URAD: variants seen among roughly 807,000 people sequenced by gnomAD.
The protein encoded by URAD is ureidoimidazoline (2-oxo-4-hydroxy-4-carboxy-5-) decarboxylase.
In URAD, 4 loss-of-function variants were observed where a neutral mutation model predicts 4.6. That is an observed-to-expected ratio of 0.87 (90% CI 0.43 to 1.98). The LOEUF (loss-of-function observed/expected upper bound fraction) is 1.98, where lower values mean the gene tolerates loss of function less well. Among genes scored for constraint, URAD ranks in the 30% most tolerant of loss-of-function variants. The probability of loss-of-function intolerance (pLI) is 0.03; values close to 1 mark genes in which losing one functional copy is unlikely to be tolerated. For missense variants in URAD, 300 were observed against 255.3 expected (o/e 1.18, Z -1.19); for synonymous variants, 144 against 118.2 (o/e 1.22, Z -1.41).
rs989359497 is a variant in URAD, at chr13:27,984,780, C to T, written c.175+3683G>A. 2.6e-4 allele frequency among the ~76,000 whole-genome samples: 39 copies of T among 150,538 alleles called. 1 individual carries two copies. The highest frequency in any genetic ancestry group is 7.6e-4 in the African/African-American group (31 of 40,906). On this transcript the variant is annotated intron_variant, in intron 1 of 1. Coordinates refer to ENST00000332715, the MANE Select transcript of URAD (RefSeq NM_001105577.2). ...GATCACAAGGTCAGGAGATTGAGAC[C>T]ATCCTGGCTAACACGGTGAAACCCC...
At chr13:27,988,429 C>G (rs747324536) in intron 1 of URAD, 34 bp downstream of exon 1, 1 of 1,548,428 alleles carries the variant, frequency 6.5e-7, no homozygotes, top group African/African-American at 1.4e-5. Flanking sequence ...ATTTGAAATC[C>G]CTTTGCAGAG....
rs745450481 is a variant in URAD, at chr13:27,978,147, G to T, written c.481C>A (p.Arg161Ser). Residue 161 changes from arginine to serine, a missense_variant, in exon 2 of 2, where the codon CGC becomes AGC. Arg to Ser is a moderately radical substitution (Grantham distance 110, BLOSUM62 -1). Transcript: ENST00000332715. ...TCTGCGCGGAGGAGGTCGGCCAGGC[G>T]CAGGCTGCCGATCTTCTTCACCTCG... is the stretch of plus-strand genomic sequence containing the variant. The part of the protein sequence containing the change: ...LGEVKKIGSL[R>S]LADLLRADPA... 2.6e-6 allele frequency: 4 copies of T among 1,530,650 alleles called. No individual in the cohort carries two copies. Among genetic ancestry groups the T allele is most frequent in the African/African-American group, 2.9e-5 (2 of 69,812 alleles). The allele number at this position is 1,530,650 out of a possible 1,614,324, so 94.8% of individuals were successfully genotyped here.
chr13:27,981,028 C>CCTCTCTCTCT (rs112351328), intron 1 of URAD, among the ~76,000 whole-genome samples: 12 of 117,132 alleles, frequency 1.0e-4, no homozygotes, highest in Admixed American at 6.6e-4. Context: ...CTCTCTCTCT[C>CCTCTCTCTCT]CTCTCTCTCT....
In URAD at chr13:27,988,628, C is replaced by CA. The variant is rs1870106198; in HGVS notation, c.9dup (p.Glu4Ter). 6 of 1,605,566 alleles carry CA rather than the reference C, an allele frequency of 3.7e-6. No individual in the cohort carries two copies. In the East Asian group the frequency reaches 1.3e-4, roughly 36 times the overall value. ...CCAAGGTCCATGGAGTTGACCTTCTCAATGTCCATTCCTTGTATTCCACTG... is the reference window on the plus strand; with the variant it reads ...CCAAGGTCCATGGAGTTGACCTTCTCAAATGTCCATTCCTTGTATTCCACTG... On this transcript the variant is annotated frameshift_variant, in exon 1 of 2. Transcript: ENST00000332715. LOFTEE classifies it high-confidence loss of function.
rs762601122 is a variant in URAD, at chr13:27,988,618, T to A, written c.20A>T (p.Asn7Ile). 10 of 1,608,526 alleles carry A rather than the reference T, an allele frequency of 6.2e-6. No individual in the cohort carries two copies. Among genetic ancestry groups the A allele is most frequent in the Middle Eastern group, 1.7e-4 (1 of 6,048 alleles). MDIEKV[N>I]SMDLGEFVDV... ...CACGAATTCTCCAAGGTCCATGGAG[T>A]TGACCTTCTCAATGTCCATTCCTTG... The change falls in exon 1 of 2, where the codon AAC (asparagine) becomes ATC (isoleucine). Residue 7 changes from asparagine to isoleucine, a missense_variant. By Grantham distance (149) the Asn-to-Ile change is moderately radical. Coordinates refer to ENST00000332715, the MANE Select transcript of URAD (RefSeq NM_001105577.2).
intron 1 of URAD, among the ~76,000 whole-genome samples, chr13:27,983,226 C>CT (rs974359895): frequency 1.2e-4 from 18 of 151,252 alleles, no homozygotes; most frequent in East Asian, 7.8e-4. Context: ...GGTTCCTTTG[C>CT]TTTTTTTTTG....
At chr13:27,985,278 T>G (rs1302683116) in intron 1 of URAD, among the ~76,000 whole-genome samples, 2 of 151,892 alleles carry the variant, frequency 1.3e-5, no homozygotes, top group African/African-American at 4.8e-5. Context: ...GCCAACATGA[T>G]GAAACCCCAT....
At position 27,978,425 on chromosome 13, in the gene URAD, G is replaced by A; in HGVS notation, c.203C>T (p.Pro68Leu). The change falls in exon 2 of 2, where the codon CCG becomes CTG. Residue 68 changes from proline (P) to leucine (L), a missense_variant. Physicochemically the swap from Pro to Leu is moderately conservative, Grantham distance 98. Coordinates refer to ENST00000332715, the MANE Select transcript of URAD (RefSeq NM_001105577.2). Reference sequence around the variant, plus strand: ...CTGCAGCTCGCTGCCCGCCAGGTCCGGGTGGCAGCGCAGGATGCCCTCCTG... The same window carrying A: ...CTGCAGCTCGCTGCCCGCCAGGTCCAGGTGGCAGCGCAGGATGCCCTCCTG... The part of the protein sequence containing the change: ...SGQEGILRCH[P>L]DLAGSELQRG... 2.9e-6 allele frequency: 4 copies of A among 1,371,538 alleles called. No individual in the cohort carries two copies. Among genetic ancestry groups the A allele is most frequent in the African/African-American group, 1.5e-5 (1 of 65,592 alleles). The allele number at this position is 1,371,538 out of a possible 1,614,324, so 85.0% of individuals were successfully genotyped here.
chr13:27,983,376 C>CCCACTACCATCTACATG (rs1869930052), intron 1 of URAD, among the ~76,000 whole-genome samples: 1 of 152,054 alleles, frequency 6.6e-6, no homozygotes, highest in Non-Finnish European at 1.5e-5. Flanking sequence ...ATTACTGGTG[C>CCCACTACCATCTACATG]GTGCTACCAT....
intron 1 of URAD, among the ~76,000 whole-genome samples, chr13:27,987,885 A>G (rs1446622253): frequency 1.4e-5 from 2 of 141,140 alleles, no homozygotes; most frequent in Admixed American, 1.5e-4. Flanking sequence ...AGACTAAAAT[A>G]GATAGATGAT....
intron 1 of URAD, 134 bp downstream of exon 1, chr13:27,988,329 T>G (rs1387116691): frequency 1.2e-6 from 1 of 863,428 alleles, no homozygotes; most frequent in East Asian, 2.8e-5. Flanking sequence ...TGGGCTCAAG[T>G]GATCCTCCCA....
intron 1 of URAD, among the ~76,000 whole-genome samples, chr13:27,983,766 T>C (rs941717002): frequency 6.6e-6 from 1 of 152,202 alleles, no homozygotes; most frequent in Non-Finnish European, 1.5e-5. Context: ...TCTTGGTCAC[T>C]ACCCCGTTCC....
rs558564875 is a variant in URAD at position 27,980,218 on chromosome 13, C to A, written c.176-1766G>T. Among the ~76,000 whole-genome samples the A allele has an allele frequency of 2.0e-5, 3 of 152,312 alleles. No homozygotes were observed. The East Asian group carries it at 5.8e-4, about 29-fold the overall frequency. On this transcript the variant is annotated intron_variant, in intron 1 of 1. Transcript: ENST00000332715. ...TGCTGGGATTACAGGTGTGAGCCAC[C>A]GAGCCGGCCTAACACCACTGTGATA...
At chr13:27,983,862 ATTTTG>A (rs1171847593) in intron 1 of URAD, among the ~76,000 whole-genome samples, 4 of 152,216 alleles carry the variant, frequency 2.6e-5, no homozygotes, top group Middle Eastern at 3.4e-3. Flanking sequence ...GGAGTGTTTC[ATTTTG>A]TTTTGTTTTG....
chr13:27,978,540 GC>G (rs906463666), intron 1 of URAD, 88 bp from the exon 2 acceptor site: 23 of 996,296 alleles, frequency 2.3e-5, no homozygotes, highest in Admixed American at 4.4e-5. Flanking sequence ...GCCGCGCCCG[GC>G]CCCCCTGCCC....
In URAD at chr13:27,978,237, C is replaced by T; in HGVS notation, c.391G>A (p.Val131Met). The change falls in exon 2 of 2, where the codon GTG becomes ATG. Residue 131 changes from valine (V) to methionine (M), a missense_variant. Transcript: ENST00000332715. ...LAARFSDRTA[V>M]PRELARRLLC... ...AGCCGGCGCGCCAGCTCGCGCGGCA[C>T]CGCCGTCCGGTCGCTGAAGCGCGCG... 6.8e-7 allele frequency: 1 copy of T among 1,460,690 alleles called. No individual in the cohort carries two copies. The highest frequency in any genetic ancestry group is 9.0e-7 in the Non-Finnish European group (1 of 1,115,802). 90.5% of individuals were successfully genotyped at this position (1,460,690 alleles called of 1,614,324 possible). A position where few individuals can be genotyped will look rare whatever the true frequency, so the allele number is the denominator to read the frequency against.
In URAD at chr13:27,988,685, T is replaced by A. The variant is rs7323025; in HGVS notation, c.-48A>T. 3.9e-6 allele frequency: 6 copies of A among 1,522,410 alleles called. No homozygotes were observed. In the Admixed American group the frequency reaches 1.0e-4, roughly 26 times the overall value. 94.3% of individuals were successfully genotyped at this position (1,522,410 alleles called of 1,614,324 possible). ...GCGGGACGTCCAGCTCCCCTCTCGG[T>A]GAGTGAGTGACGCTGTCTCGGCTCA... is the stretch of plus-strand genomic sequence containing the variant. On this transcript the variant is annotated 5_prime_UTR_variant, in exon 1 of 2. Coordinates refer to ENST00000332715, the MANE Select transcript of URAD (RefSeq NM_001105577.2).
At chr13:27,981,047 C>CTG (rs1213404512) in intron 1 of URAD, among the ~76,000 whole-genome samples, 1 of 151,352 alleles carries the variant, frequency 6.6e-6, no homozygotes, top group Non-Finnish European at 1.5e-5. Flanking sequence ...CTCTCTCTCT[C>CTG]TCTCTGTCTC....
chr13:27,983,026 C>G (rs1869919028), intron 1 of URAD, among the ~76,000 whole-genome samples: 1 of 152,186 alleles, frequency 6.6e-6, no homozygotes, highest in Non-Finnish European at 1.5e-5. Context: ...ACATAGCCCC[C>G]ACATCACCAT....
Sources: allele counts gnomAD v4.1 joint callset (sites outside exome capture counted in the v4.1 genomes callset), GRCh38; gene constraint gnomAD v4.1.1; transcripts MANE v1.5; gene names NCBI Gene and HGNC (gene_info 2026-07-23, HGNC 2026-07-21).